SHISA9: variants seen among roughly 807,000 people sequenced by gnomAD.
SHISA9 encodes the protein protein shisa-9.
SHISA9 carries 13 observed loss-of-function variants against 38.0 expected under a neutral mutation model. The ratio of observed to expected loss-of-function variants is 0.34; its 90% CI spans 0.22 to 0.54. SHISA9 has a LOEUF of 0.54. Ranked by LOEUF, SHISA9 falls within the 20% of genes least tolerant of loss-of-function variation. The probability of loss-of-function intolerance (pLI) is 0.91; values close to 1 mark genes in which losing one functional copy is unlikely to be tolerated. For missense variants in SHISA9, 538 were observed against 575.8 expected, an observed-to-expected ratio of 0.93 and a Z score of 0.67; for synonymous variants, 275 against 242.0, an observed-to-expected ratio of 1.14 and a Z score of -1.27.
At chr16:13,232,217 A>G (rs2051338094) in intron 4 of SHISA9, among the ~76,000 whole-genome samples, 2 of 152,210 alleles carry the variant, frequency 1.3e-5, no homozygotes, top group African/African-American at 4.8e-5. Context: ...GTCCCCTGAG[A>G]GATGAAAGTT....
the SHISA9 span, among the ~76,000 whole-genome samples, chr16:13,281,091 A>T: frequency 6.6e-6 from 1 of 151,834 alleles, no homozygotes; most frequent in Non-Finnish European, 1.5e-5. Flanking sequence ...ATTCAATATA[A>T]CTTAATTCTC....
chr16:13,318,884 C>T, the SHISA9 span, among the ~76,000 whole-genome samples: 1 of 152,234 alleles, frequency 6.6e-6, no homozygotes, highest in Non-Finnish European at 1.5e-5. Flanking sequence ...CTTTCTAAAT[C>T]AAGTCTGAAT....
the SHISA9 span, among the ~76,000 whole-genome samples, chr16:13,439,369 AAC>A: frequency 5.5e-3 from 840 of 151,380 alleles, 9 homozygotes; most frequent in African/African-American, 0.019. Flanking sequence ...ATTCTCACCA[AAC>A]ACACACACAC....
the SHISA9 span, among the ~76,000 whole-genome samples, chr16:13,259,220 C>A: frequency 6.6e-6 from 1 of 152,236 alleles, no homozygotes; most frequent in Non-Finnish European, 1.5e-5. Flanking sequence ...AATTTTAAAG[C>A]TCTAAAACGA....
the SHISA9 span, among the ~76,000 whole-genome samples, chr16:13,495,755 A>G: frequency 1.3e-5 from 2 of 152,148 alleles, no homozygotes; most frequent in Non-Finnish European, 2.9e-5. Flanking sequence ...ACTTGGTAAG[A>G]TATGAAAACA....
the SHISA9 span, among the ~76,000 whole-genome samples, chr16:13,493,794 T>G: frequency 3.3e-5 from 5 of 152,274 alleles, no homozygotes; most frequent in East Asian, 7.7e-4. Context: ...GCTAAGTGCT[T>G]TGCCTGGCAT....
intron 2 of SHISA9, among the ~76,000 whole-genome samples, chr16:13,026,102 C>T (rs2072918433): frequency 6.6e-6 from 1 of 152,100 alleles, no homozygotes; most frequent in Admixed American, 6.5e-5. Flanking sequence ...ACCGCGCCCA[C>T]CTTAACAACA....
chr16:13,170,328 A>G (rs9940177), intron 2 of SHISA9, among the ~76,000 whole-genome samples: 57,593 of 152,072 alleles, frequency 0.38, 11,771 homozygotes, highest in Non-Finnish European at 0.44. Flanking sequence ...CTGAGATACA[A>G]TGGTGAATGG....
At chr16:13,118,334 A>G (rs2074051445) in intron 2 of SHISA9, among the ~76,000 whole-genome samples, 1 of 152,106 alleles carries the variant, frequency 6.6e-6, no homozygotes, top group Non-Finnish European at 1.5e-5. Context: ...TCCTGGGAAT[A>G]CTTCCTGGAG....
the SHISA9 span, among the ~76,000 whole-genome samples, chr16:13,247,641 C>T: frequency 2.6e-5 from 4 of 152,162 alleles, no homozygotes; most frequent in Non-Finnish European, 5.9e-5. Context: ...GTCAGCTTGG[C>T]ATCTCACTTA....
chr16:13,267,825 G>A, the SHISA9 span, among the ~76,000 whole-genome samples: 1 of 151,062 alleles, frequency 6.6e-6, no homozygotes, highest in Non-Finnish European at 1.5e-5. Context: ...TGAGAATTTG[G>A]CCAGGTATTT....
chr16:13,404,911 T>C, the SHISA9 span, among the ~76,000 whole-genome samples: 8 of 152,196 alleles, frequency 5.3e-5, no homozygotes, highest in Non-Finnish European at 1.0e-4. Flanking sequence ...CTGAAAGAGA[T>C]AGTCTACTTG....
At position 12,943,162 on chromosome 16, in the gene SHISA9, G is replaced by T. The variant is rs1297716119; in HGVS notation, c.691+26347G>T. Among the ~76,000 whole-genome samples the T allele has an allele frequency of 2.0e-5, 3 of 152,078 alleles. No homozygotes were observed. The South Asian group carries it at 6.2e-4, about 32-fold the overall frequency. On this transcript the variant is annotated intron_variant, in intron 2 of 4. Coordinates refer to ENST00000558583, the MANE Select transcript of SHISA9 (RefSeq NM_001145204.3). ...CCTGCACCAGTCACTGTGACGAGGG[G>T]AGGTGGTGCTCTGATTGGTTGGTCA... is the stretch of plus-strand genomic sequence containing the variant.
chr16:13,095,757 T>C (rs1314895157), intron 2 of SHISA9, among the ~76,000 whole-genome samples: 1 of 152,216 alleles, frequency 6.6e-6, no homozygotes, highest in Admixed American at 6.5e-5. Flanking sequence ...ATCAGGCACC[T>C]TGTGAATACT....
chr16:13,507,036 C>G, the SHISA9 span, among the ~76,000 whole-genome samples: 1 of 151,840 alleles, frequency 6.6e-6, no homozygotes, highest in African/African-American at 2.4e-5. Flanking sequence ...GAACAAGATC[C>G]TGTCTCAAAA....
intron 4 of SHISA9, among the ~76,000 whole-genome samples, chr16:13,228,347 C>G (rs998379108): frequency 1.3e-5 from 2 of 152,220 alleles, no homozygotes; most frequent in African/African-American, 4.8e-5. Context: ...GGGATTTTCC[C>G]CCCATCTGCA....
the SHISA9 span, among the ~76,000 whole-genome samples, chr16:13,375,912 G>C: frequency 6.6e-6 from 1 of 152,134 alleles, no homozygotes; most frequent in Non-Finnish European, 1.5e-5. Context: ...GCATTTGGCA[G>C]GCTGATCCTA....
intron 2 of SHISA9, among the ~76,000 whole-genome samples, chr16:13,116,534 G>A (rs2074032406): frequency 6.6e-6 from 1 of 152,216 alleles, no homozygotes; most frequent in Non-Finnish European, 1.5e-5. Flanking sequence ...CAGTGAGCAG[G>A]ACACTGGCTT....
chr16:13,320,129 GA>G, the SHISA9 span, among the ~76,000 whole-genome samples: 2 of 151,070 alleles, frequency 1.3e-5, no homozygotes, highest in African/African-American at 4.9e-5. Context: ...CGTCTCTACT[GA>G]AAATACAAAA....
Sources: gnomAD v4.1 joint callset for allele counts (sites outside exome capture counted in the v4.1 genomes callset) on GRCh38, gnomAD v4.1.1 for gene constraint, MANE v1.5 for transcripts, NCBI Gene and HGNC (gene_info 2026-07-23, HGNC 2026-07-21) for gene names.